The following SASH3 variants were observed in gnomAD, a reference collection of about 807,000 sequenced individuals.
SASH3 encodes SAM and SH3 domain-containing protein 3.
SASH3 carries 7 observed loss-of-function variants against 26.1 expected under a neutral mutation model. The ratio of observed to expected loss-of-function variants is 0.27; its 90% CI spans 0.15 to 0.50. The LOEUF is 0.50. Ranked by LOEUF, SASH3 falls within the 20% of genes least tolerant of loss-of-function variation. The probability of loss-of-function intolerance (pLI) is 0.98; values close to 1 mark genes in which losing one functional copy is unlikely to be tolerated. For synonymous variants in SASH3, 138 were observed against 136.8 expected, an observed-to-expected ratio of 1.01 and a Z score of -0.06; for missense variants, 231 against 318.3, an observed-to-expected ratio of 0.73 and a Z score of 2.09.
intron 4 of SASH3, 122 bp from the exon 5 acceptor site, chrX:129,792,206 A>G: frequency 1.2e-6 from 1 of 823,952 alleles, no homozygotes; most frequent in Non-Finnish European, 1.7e-6. Context: ...GCCAGAGCCC[A>G]GCTGCCTTCC....
intron 1 of SASH3, among the ~76,000 whole-genome samples, chrX:129,782,439 G>C (rs1927034648): frequency 8.9e-6 from 1 of 112,204 alleles, no homozygotes; most frequent in African/African-American, 3.2e-5. Flanking sequence ...TGGGATGCCA[G>C]GCACGGTGCT....
At chrX:129,788,886 T>C (rs186744076) in intron 3 of SASH3, among the ~76,000 whole-genome samples, 17 of 109,950 alleles carry the variant, frequency 1.5e-4, no homozygotes, top group African/African-American at 5.6e-4. Flanking sequence ...GCCGATCACT[T>C]GAGGTCAGGA....
Position 129,790,937 on chromosome X carries a change from C to T in SASH3, c.301-3C>T, listed in dbSNP as rs1477515997. 3.3e-6 allele frequency: 4 copies of T among 1,208,036 alleles called. No homozygotes were observed. The highest frequency in any genetic ancestry group is 4.5e-6 in the Non-Finnish European group (4 of 894,091). On this transcript the variant is annotated splice_region_variant and splice_polypyrimidine_tract_variant and intron_variant, in intron 3 of 7. Coordinates refer to ENST00000356892, the MANE Select transcript of SASH3 (RefSeq NM_018990.4). ...TAAAGCTTCCCGCCTACCCTCCCTG[C>T]AGGCAGACACTCTGGAGGAGGGCTC...
chrX:129,791,832 C>T (rs1423315352), intron 4 of SASH3, among the ~76,000 whole-genome samples: 1 of 112,468 alleles, frequency 8.9e-6, no homozygotes, highest in East Asian at 2.8e-4. Context: ...ATTGTAACTA[C>T]ACATTGAGTT....
chrX:129,790,912 TA>T (rs771824714), intron 3 of SASH3, 27 bp from the exon 4 acceptor site: 17 of 1,203,759 alleles, frequency 1.4e-5, no homozygotes, highest in Non-Finnish European at 1.5e-5. Context: ...CAAGGCTCCT[TA>T]AAGCTTCCCG....
intron 3 of SASH3, 149 bp downstream of exon 3, chrX:129,788,726 A>C: frequency 1.7e-5 from 10 of 571,656 alleles, no homozygotes; most frequent in Non-Finnish European, 2.7e-5. Context: ...GGGGAAACTC[A>C]CTTGCAGCCA....
chrX:129,783,450 A>C (rs757916463), intron 1 of SASH3, among the ~76,000 whole-genome samples: 1 of 112,166 alleles, frequency 8.9e-6, no homozygotes, highest in Admixed American at 9.5e-5. Context: ...GCGGGGCAAC[A>C]GCATGAGCTC....
chrX:129,782,423 A>C (rs1927034337), intron 1 of SASH3, among the ~76,000 whole-genome samples: 1 of 112,156 alleles, frequency 8.9e-6, no homozygotes, highest in African/African-American at 3.2e-5. Flanking sequence ...ACAGAGTGAG[A>C]GCTCATGGGA....
intron 1 of SASH3, 86 bp from the exon 2 acceptor site, chrX:129,787,889 G>A (rs1355043092): frequency 1.5e-6 from 1 of 678,454 alleles, no homozygotes; most frequent in Non-Finnish European, 2.4e-6. Context: ...TCTGGGCTGT[G>A]GGTATTGTGT....
rs1439978974 is a variant in SASH3, at chrX:129,794,376, C to T, written c.*544C>T. The T allele has an allele frequency of 2.6e-5, 3 of 114,262 alleles. No individual in the cohort carries two copies. The highest frequency in any genetic ancestry group is 6.5e-5 in the African/African-American group (2 of 30,967). 9.4% of individuals were successfully genotyped at this position (114,262 alleles called of 1,213,427 possible). ...GGTACCATTCCCACTTTCCTTCTCC[C>T]TAGCTTTCTTAGAGGTTTGGCCACT... On this transcript the variant is annotated 3_prime_UTR_variant, in exon 8 of 8. Transcript: ENST00000356892.
At chrX:129,792,152 T>C (rs1173034466) in intron 4 of SASH3, among the ~76,000 whole-genome samples, 176 bp from the exon 5 acceptor site, 1 of 112,123 alleles carries the variant, frequency 8.9e-6, no homozygotes, top group Non-Finnish European at 1.9e-5. Context: ...TCCTGGTCGG[T>C]AGCCAAGGGG....
intron 1 of SASH3, among the ~76,000 whole-genome samples, chrX:129,784,066 T>C (rs1030849240): frequency 1.8e-5 from 2 of 110,095 alleles, no homozygotes; most frequent in Admixed American, 1.9e-4. Context: ...TCTAGAAGCT[T>C]CCCTCATGCC....
At position 129,791,068 on chromosome X, in the gene SASH3, C is replaced by G. The variant is rs145433599; in HGVS notation, c.429C>G (p.Arg143=). 5 of 1,209,129 alleles carry G rather than the reference C, an allele frequency of 4.1e-6. No individual in the cohort carries two copies. In the African/African-American group the frequency reaches 8.7e-5, roughly 21 times the overall value. Residue 143 remains arginine, a synonymous_variant, in exon 4 of 8, where the codon CGC becomes CGG. Coordinates refer to ENST00000356892, the MANE Select transcript of SASH3 (RefSeq NM_018990.4). Reference sequence around the variant, plus strand: ...AGCATGAACTTCCGGTGCTCAGCCGCCAGGCATCAACAGGTGAGTAGGGGA... The same window carrying G: ...AGCATGAACTTCCGGTGCTCAGCCGGCAGGCATCAACAGGTGAGTAGGGGA... ...QEEHELPVLS[R]QASTGSELCS...
chrX:129,789,880 T>G (rs1391458736), intron 3 of SASH3, among the ~76,000 whole-genome samples: 2 of 111,818 alleles, frequency 1.8e-5, no homozygotes, highest in Non-Finnish European at 3.8e-5. Flanking sequence ...AAGCCAGTTG[T>G]TAAACACAAC....
chrX:129,780,847 G>A (rs187426159), intron 1 of SASH3, among the ~76,000 whole-genome samples: 6 of 112,510 alleles, frequency 5.3e-5, no homozygotes, highest in Non-Finnish European at 9.4e-5. Flanking sequence ...GTGGTGAGTA[G>A]GAGTGAAGGC....
At chrX:129,781,268 C>T (rs1927011268) in intron 1 of SASH3, among the ~76,000 whole-genome samples, 1 of 111,472 alleles carries the variant, frequency 9.0e-6, no homozygotes, top group South Asian at 3.7e-4. Context: ...GACTGAGACT[C>T]GGGGCAGTGG....
At chrX:129,781,969 C>T (rs184507780) in intron 1 of SASH3, among the ~76,000 whole-genome samples, 1 of 112,758 alleles carries the variant, frequency 8.9e-6, no homozygotes, top group Non-Finnish European at 1.9e-5. Flanking sequence ...GGCTGAATCA[C>T]TGCTAGTCCC....
In SASH3 at chrX:129,787,649, C is replaced by T. The variant is rs747975660; in HGVS notation, c.58-326C>T. 3.6e-5 allele frequency among the ~76,000 whole-genome samples: 4 copies of T among 112,089 alleles called. No homozygotes were observed. In the South Asian group the frequency reaches 1.5e-3, roughly 41 times the overall value. The stretch of plus-strand genomic sequence containing the variant: ...GTCTCTAGTAGTAGATACACATTTA[C>T]TCTGACTCATGTAGTCTTTCACTCC... On this transcript the variant is annotated intron_variant, in intron 1 of 7. Transcript: ENST00000356892.
At chrX:129,789,134 A>AAAG (rs1927172318) in intron 3 of SASH3, among the ~76,000 whole-genome samples, 1 of 64,673 alleles carries the variant, frequency 1.5e-5, no homozygotes, top group African/African-American at 1.0e-4. Flanking sequence ...AGAAAGAAAG[A>AAAG]AAGAAAGAAA....
Sources: gnomAD v4.1 joint callset for allele counts (sites outside exome capture counted in the v4.1 genomes callset) on GRCh38, gnomAD v4.1.1 for gene constraint, MANE v1.5 for transcripts, NCBI Gene and HGNC (gene_info 2026-07-23, HGNC 2026-07-21) for gene names.